The following LRRIQ3 variants were observed in gnomAD, a reference collection of about 807,000 sequenced individuals.
LRRIQ3 encodes the protein leucine-rich repeat and IQ domain-containing protein 3.
Under a neutral mutation model 59.3 loss-of-function variants are expected in LRRIQ3, and 75 were observed. The observed-to-expected ratio is 1.26, with a 90% confidence interval of 1.05 to 1.53. The LOEUF (loss-of-function observed/expected upper bound fraction) is 1.53. Among genes scored for constraint, LRRIQ3 ranks in the 40% most tolerant of loss-of-function variants. LRRIQ3 has a pLI of 0.00. For missense variants in LRRIQ3, 831 were observed against 710.0 expected, an observed-to-expected ratio of 1.17 and a Z score of -1.94; for synonymous variants, 250 against 231.3, an observed-to-expected ratio of 1.08 and a Z score of -0.73.
At chr1:74,126,794 A>G (rs1011129689) in intron 4 of LRRIQ3, among the ~76,000 whole-genome samples, 20 of 151,950 alleles carry the variant, frequency 1.3e-4, no homozygotes, top group African/African-American at 4.8e-4. Context: ...AGAATGATCT[A>G]TGTGCTGAGA....
At chr1:74,056,211 G>A (rs1405161648) in intron 6 of LRRIQ3, among the ~76,000 whole-genome samples, 1 of 151,166 alleles carries the variant, frequency 6.6e-6, no homozygotes, top group Non-Finnish European at 1.5e-5. Context: ...AGATATAGCA[G>A]GAACATACTT....
At position 74,050,435 on chromosome 1, in the gene LRRIQ3, T is replaced by C. The variant is rs980115760; in HGVS notation, c.998-8502A>G. The C allele has an allele frequency of 1.2e-4, 90 of 768,686 alleles. 1 individual carries two copies. The African/African-American group carries it at 1.6e-3, about 14-fold the overall frequency. 47.6% of individuals were successfully genotyped at this position (768,686 alleles called of 1,614,324 possible). The stretch of plus-strand genomic sequence containing the variant: ...ACTTAAGAGCAAAACAACTGGATCA[T>C]ATCAGCCAATTTACTTTCAGTTTTC... On this transcript the variant is annotated intron_variant, in intron 6 of 7. Coordinates refer to ENST00000354431, the MANE Select transcript of LRRIQ3 (RefSeq NM_001105659.2).
At chr1:74,193,476 G>T (rs948972193) in intron 1 of LRRIQ3, among the ~76,000 whole-genome samples, 5 of 151,932 alleles carry the variant, frequency 3.3e-5, no homozygotes, top group African/African-American at 1.2e-4. Flanking sequence ...ACCCAACTTT[G>T]ATGGCAAACA....
intron 6 of LRRIQ3, among the ~76,000 whole-genome samples, chr1:74,042,720 G>A (rs752223185): frequency 2.6e-5 from 4 of 152,020 alleles, no homozygotes; most frequent in Non-Finnish European, 4.4e-5. Context: ...GCCATCAATC[G>A]TTTTTCCCTT....
intron 5 of LRRIQ3, chr1:74,084,310 C>T (rs1480218708): frequency 3.5e-5 from 46 of 1,300,200 alleles, no homozygotes; most frequent in Non-Finnish European, 4.8e-5. Flanking sequence ...GCAAACATTA[C>T]ATTTTGCCTG....
intron 7 of LRRIQ3, among the ~76,000 whole-genome samples, chr1:74,029,905 C>T (rs1428108917): frequency 1.3e-5 from 2 of 152,026 alleles, no homozygotes; most frequent in African/African-American, 2.4e-5. Context: ...AGAGATTCAA[C>T]TTCTTCCTAG....
At position 74,155,864 on chromosome 1, in the gene LRRIQ3, T is replaced by C; in HGVS notation, c.576A>G (p.Gly192=). The C allele has an allele frequency of 7.3e-7, 1 of 1,362,572 alleles. No homozygotes were observed. Among genetic ancestry groups the C allele is most frequent in the Non-Finnish European group, 9.9e-7 (1 of 1,014,134 alleles). 84.4% of individuals were successfully genotyped at this position (1,362,572 alleles called of 1,614,324 possible). The part of the protein sequence containing the change: ...FFNFCPALRK[G]TTYEEEINNI... ...TATTAATTTCCTCTTCATAGGTTGT[T>C]CCCTGTATAAAGAAAATATAATTAA... The change falls in exon 4 of 8, where the codon GGA becomes GGG. Residue 192 remains glycine (G), a splice_region_variant and synonymous_variant. Transcript: ENST00000354431.
chr1:74,195,389 G>A (rs1039360787), intron 1 of LRRIQ3, among the ~76,000 whole-genome samples: 1 of 151,978 alleles, frequency 6.6e-6, no homozygotes, highest in Non-Finnish European at 1.5e-5. Context: ...TATAAAGAAG[G>A]GGGGAAAATT....
Position 74,041,742 on chromosome 1 carries a change from C to T in LRRIQ3, c.1189G>A (p.Asp397Asn). Residue 397 changes from aspartate to asparagine, a missense_variant, in exon 7 of 8, where the codon GAC becomes AAC. Physicochemically the swap from Asp to Asn is conservative, Grantham distance 23 (BLOSUM62 1). Coordinates refer to ENST00000354431, the MANE Select transcript of LRRIQ3 (RefSeq NM_001105659.2). ...TTCATACTCCGCTCCAATCGTATGT[C>T]TTTTTTAATGATTGGCTTTGGATGA... ...TTHPKPIIKKDIRLERSMKEF... is the reference protein window; with the variant it reads ...TTHPKPIIKKNIRLERSMKEF... The T allele has an allele frequency of 3.7e-6, 6 of 1,613,490 alleles. No homozygotes were observed. Among genetic ancestry groups the T allele is most frequent in the Non-Finnish European group, 4.2e-6 (5 of 1,179,718 alleles).
rs1654045465 is a variant in LRRIQ3, at chr1:74,041,554, T to A, written c.1377A>T (p.Glu459Asp). ...TAGCATATTTTTTCTGATTCAAATG[T>A]TCATTAACAGCTACTCTAACTCTTT... is the stretch of plus-strand genomic sequence containing the variant. ...ARERVRVAVN[E>D]HLNQKKYATQ... is the part of the protein sequence containing the mutation. The change falls in exon 7 of 8, where the codon GAA becomes GAT. Residue 459 changes from glutamate (E) to aspartate (D), a missense_variant. Transcript: ENST00000354431. The A allele has an allele frequency of 6.2e-7, 1 of 1,612,998 alleles. No individual in the cohort carries two copies. The highest frequency in any genetic ancestry group is 8.5e-7 in the Non-Finnish European group (1 of 1,179,722).
chr1:74,067,595 G>A (rs1052006323), intron 6 of LRRIQ3, among the ~76,000 whole-genome samples: 4 of 151,984 alleles, frequency 2.6e-5, no homozygotes, highest in African/African-American at 9.7e-5. Context: ...TTTCTTCTGT[G>A]AGTTCCATAT....
chr1:74,181,236 T>G (rs1397223268), intron 3 of LRRIQ3: 1 of 153,938 alleles, frequency 6.5e-6, no homozygotes, highest in Admixed American at 6.4e-5. Context: ...ATCACATCAT[T>G]TTGAACCTAC....
chr1:74,154,878 G>A (rs369982852), intron 4 of LRRIQ3, among the ~76,000 whole-genome samples: 4 of 152,252 alleles, frequency 2.6e-5, no homozygotes, highest in South Asian at 2.1e-4. Context: ...CTCAGAAGTC[G>A]GAGGCACTGT....
chr1:74,067,514 T>C (rs1001017187), intron 6 of LRRIQ3, among the ~76,000 whole-genome samples: 1 of 152,170 alleles, frequency 6.6e-6, no homozygotes. Flanking sequence ...AAGTCTTGAA[T>C]GCTCAAAGGT....
At chr1:74,121,962 G>A (rs1646864503) in intron 4 of LRRIQ3, among the ~76,000 whole-genome samples, 1 of 151,720 alleles carries the variant, frequency 6.6e-6, no homozygotes, top group African/African-American at 2.4e-5. Flanking sequence ...ATGTGTCACG[G>A]TTTCTTAATC....
chr1:74,103,052 A>G (rs1287156234), intron 5 of LRRIQ3, among the ~76,000 whole-genome samples: 6 of 151,898 alleles, frequency 4.0e-5, no homozygotes, highest in African/African-American at 1.4e-4. Flanking sequence ...CTTCTGACAA[A>G]TATCTTATAC....
intron 6 of LRRIQ3, among the ~76,000 whole-genome samples, chr1:74,051,000 C>A (rs995538528): frequency 5.9e-5 from 9 of 152,128 alleles, no homozygotes; most frequent in Non-Finnish European, 1.2e-4. Context: ...TATGAAACAT[C>A]TTACATCTCA....
intron 6 of LRRIQ3, among the ~76,000 whole-genome samples, chr1:74,043,542 A>C (rs979955036): frequency 6.6e-6 from 1 of 152,190 alleles, no homozygotes; most frequent in Non-Finnish European, 1.5e-5. Flanking sequence ...CAAAGTGTCC[A>C]GAAATAAACA....
At chr1:74,184,097 C>A (rs1297554858) in intron 1 of LRRIQ3, among the ~76,000 whole-genome samples, 1 of 151,842 alleles carries the variant, frequency 6.6e-6, no homozygotes, top group East Asian at 1.9e-4. Context: ...GAATAATAAA[C>A]AAGTCAGGAG....
Sources: allele counts gnomAD v4.1 joint callset (sites outside exome capture counted in the v4.1 genomes callset), GRCh38; gene constraint gnomAD v4.1.1; transcripts MANE v1.5; gene names NCBI Gene and HGNC (gene_info 2026-07-23, HGNC 2026-07-21).